The following FAM83B variants were observed in gnomAD, a reference collection of about 807,000 sequenced individuals.
FAM83B encodes scaffolding CK1 anchoring protein B.
A neutral mutation model predicts 38.8 loss-of-function variants in FAM83B; 26 were observed. The ratio of observed to expected loss-of-function variants is 0.67; its 90% CI spans 0.49 to 0.93. The LOEUF (loss-of-function observed/expected upper bound fraction) is 0.93. Ranked by LOEUF, FAM83B falls within the 40% of genes least tolerant of loss-of-function variation. The pLI, the probability that FAM83B is intolerant of heterozygous loss-of-function variation, is 0.00. For missense variants in FAM83B, 1,237 were observed against 1,197.3 expected (o/e 1.03, Z -0.49); for synonymous variants, 419 against 423.1 (o/e 0.99, Z 0.12).
intron 1 of FAM83B, among the ~76,000 whole-genome samples, chr6:54,850,528 C>T (rs1771247431): frequency 6.6e-6 from 1 of 152,146 alleles, no homozygotes; most frequent in Admixed American, 6.5e-5. Context: ...AACATTACTA[C>T]TTGGAGAAGA....
chr6:54,851,983 A>G (rs942303945), intron 1 of FAM83B, among the ~76,000 whole-genome samples: 4 of 139,446 alleles, frequency 2.9e-5, no homozygotes, highest in African/African-American at 7.6e-5. Context: ...GAGTTTCACT[A>G]TGTTGGCCTG....
At chr6:54,912,433 C>T (rs1313607443) in intron 2 of FAM83B, among the ~76,000 whole-genome samples, 3 of 142,116 alleles carry the variant, frequency 2.1e-5, no homozygotes, top group Non-Finnish European at 4.6e-5. Flanking sequence ...AAAAAAAAAA[C>T]AACAAAAAAA....
chr6:54,869,488 AT>A (rs1771793378), intron 1 of FAM83B, among the ~76,000 whole-genome samples: 1 of 151,526 alleles, frequency 6.6e-6, no homozygotes, highest in Non-Finnish European at 1.5e-5. Flanking sequence ...TTTTTCTTTA[AT>A]TTTTTTCTTC....
chr6:54,847,696 A>G (rs1220596633), intron 1 of FAM83B, among the ~76,000 whole-genome samples: 1 of 152,126 alleles, frequency 6.6e-6, no homozygotes, highest in African/African-American at 2.4e-5. Context: ...AGTCATAGGT[A>G]TGTAAAGAGA....
intron 2 of FAM83B, among the ~76,000 whole-genome samples, chr6:54,881,371 G>T (rs1561912488): frequency 6.6e-6 from 1 of 152,062 alleles, no homozygotes; most frequent in South Asian, 2.1e-4. Context: ...AGAAAAATTG[G>T]TAACTGTACA....
intron 4 of FAM83B, among the ~76,000 whole-genome samples, chr6:54,932,528 G>C (rs945171352): frequency 6.6e-6 from 1 of 152,064 alleles, no homozygotes; most frequent in Admixed American, 6.6e-5. Flanking sequence ...AATAGTACAG[G>C]TCACTTCATT....
chr6:54,886,029 T>TA (rs1772267317), intron 2 of FAM83B, among the ~76,000 whole-genome samples: 1 of 152,102 alleles, frequency 6.6e-6, no homozygotes, highest in Non-Finnish European at 1.5e-5. Context: ...AAAGAGTTTT[T>TA]ATCATTTTAT....
chr6:54,903,729 T>G (rs903951710), intron 2 of FAM83B, among the ~76,000 whole-genome samples: 30 of 152,186 alleles, frequency 2.0e-4, no homozygotes, highest in African/African-American at 6.5e-4. Context: ...CTTTATTTTT[T>G]TCTACATACC....
At chr6:54,921,050 C>T (rs140356043) in intron 2 of FAM83B, among the ~76,000 whole-genome samples, 101 of 151,338 alleles carry the variant, frequency 6.7e-4, no homozygotes, top group African/African-American at 2.3e-3. Flanking sequence ...TAGAATATTA[C>T]CCTCATCTTC....
chr6:54,904,326 A>G (rs958621414), intron 2 of FAM83B, among the ~76,000 whole-genome samples: 2 of 152,180 alleles, frequency 1.3e-5, no homozygotes, highest in African/African-American at 4.8e-5. Context: ...AGCCAGTAGC[A>G]TGATCTTCCA....
intron 2 of FAM83B, among the ~76,000 whole-genome samples, chr6:54,906,049 A>G (rs887201619): frequency 7.4e-6 from 1 of 134,960 alleles, no homozygotes; most frequent in African/African-American, 3.3e-5. Context: ...TGCACCTACT[A>G]TTCGAAAAAA....
intron 2 of FAM83B, among the ~76,000 whole-genome samples, chr6:54,903,157 A>T (rs1294070451): frequency 6.6e-6 from 1 of 152,156 alleles, no homozygotes; most frequent in Non-Finnish European, 1.5e-5. Context: ...TATTTTTATC[A>T]TTGTTTTCCA....
At chr6:54,926,331 T>C (rs370329274) in intron 2 of FAM83B, 40 bp from the exon 3 acceptor site, 566 of 1,364,568 alleles carry the variant, frequency 4.1e-4, no homozygotes, top group Non-Finnish European at 5.5e-4. Flanking sequence ...TCTTTCTCTA[T>C]CAAGGATCTA....
chr6:54,861,732 GT>G (rs1031343729), intron 1 of FAM83B, among the ~76,000 whole-genome samples: 1 of 152,116 alleles, frequency 6.6e-6, no homozygotes, highest in African/African-American at 2.4e-5. Context: ...CCAGCTGCTT[GT>G]TCTCACTGTC....
Position 54,927,728 on chromosome 6 carries a change from TAAAAAAAAAA to T in FAM83B, c.734+113_734+122del, listed in dbSNP as rs1049777485. On this transcript the variant is annotated intron_variant, in intron 4 of 4. Coordinates refer to ENST00000306858, the MANE Select transcript of FAM83B (RefSeq NM_001010872.3). ...AATCAGTTAAGCTTTTTCTTAAAAG[TAAAAAAAAAA>T]AAAAAAAAAAAAAAAAGAGAACACT... 62 of 99,144 alleles carry T rather than the reference TAAAAAAAAAA, an allele frequency of 6.3e-4. No individual in the cohort carries two copies. The South Asian group carries it at 0.012, about 19-fold the overall frequency. The allele number at this position is 99,144 out of a possible 1,614,324, so 6.1% of individuals were successfully genotyped here.
At chr6:54,895,822 C>A (rs952062963) in intron 2 of FAM83B, among the ~76,000 whole-genome samples, 9 of 151,986 alleles carry the variant, frequency 5.9e-5, no homozygotes, top group African/African-American at 2.2e-4. Flanking sequence ...CTCACTGCAA[C>A]CTCCGCCTCC....
At chr6:54,878,118 G>A (rs982166252) in intron 2 of FAM83B, among the ~76,000 whole-genome samples, 19 of 152,304 alleles carry the variant, frequency 1.2e-4, no homozygotes, top group Middle Eastern at 3.4e-3. Context: ...AGGAAGAAAA[G>A]GAGAATCAGG....
chr6:54,939,458 C>T (rs1426819891), intron 4 of FAM83B, among the ~76,000 whole-genome samples: 1 of 151,962 alleles, frequency 6.6e-6, no homozygotes, highest in East Asian at 1.9e-4. Flanking sequence ...TGAAAATGCA[C>T]AGCAAGTTTT....
In FAM83B at chr6:54,914,596, G is replaced by C. The variant is rs868080947; in HGVS notation, c.445-11775G>C. On this transcript the variant is annotated intron_variant, in intron 2 of 4. Transcript: ENST00000306858. Reference sequence around the variant, plus strand: ...CCTGCTGCCTTTGCTTTCACTCCAGGGTTGTTGGGCATTGCTGGAAAATGT... The same window carrying C: ...CCTGCTGCCTTTGCTTTCACTCCAGCGTTGTTGGGCATTGCTGGAAAATGT... Among the ~76,000 whole-genome samples, 8 of 151,980 alleles carry C rather than the reference G, an allele frequency of 5.3e-5. No individual in the cohort carries two copies. In the South Asian group the frequency reaches 6.2e-4, roughly 12 times the overall value.
Sources: allele counts gnomAD v4.1 joint callset (sites outside exome capture counted in the v4.1 genomes callset), GRCh38; gene constraint gnomAD v4.1.1; transcripts MANE v1.5; gene names NCBI Gene and HGNC (gene_info 2026-07-23, HGNC 2026-07-21).